The following EYA1 variants were observed in gnomAD, a reference collection of about 807,000 sequenced individuals.
The protein encoded by EYA1 is protein phosphatase EYA1.
EYA1 carries 16 observed loss-of-function variants against 82.0 expected under a neutral mutation model. The observed-to-expected ratio is 0.20, with a 90% CI of 0.13 to 0.30. The LOEUF is 0.30. Among genes scored for constraint, EYA1 ranks in the 10% least tolerant of loss-of-function variants. The pLI is 1.00. For synonymous variants in EYA1, 261 were observed against 264.4 expected, an observed-to-expected ratio of 0.99 and a Z score of 0.12; for missense variants, 633 against 730.7, an observed-to-expected ratio of 0.87 and a Z score of 1.54.
At position 71,315,755 on chromosome 8, in the gene EYA1, T is replaced by C. The variant is rs1022154811; in HGVS notation, c.556+1797A>G. 1.3e-5 allele frequency among the ~76,000 whole-genome samples: 2 copies of C among 152,232 alleles called. 1 individual carries two copies. The highest frequency in any genetic ancestry group is 2.9e-5 in the Non-Finnish European group (2 of 68,042). On this transcript the variant is annotated intron_variant, in intron 7 of 17. Transcript: ENST00000340726. ...TTGATATTCAGCATGTGCAGAACAG[T>C]TCTTTTCCAAGGCTGCATAAAAGTT...
chr8:71,477,042 GAACCCTAC>G lies in EYA1; in HGVS notation c.33+58694_33+58701del, dbSNP rs78097610. 5.2e-3 allele frequency among the ~76,000 whole-genome samples: 796 copies of G among 151,934 alleles called. 3 individuals carry two copies. Among genetic ancestry groups the G allele is most frequent in the Middle Eastern group, 0.01 (3 of 294 alleles). On this transcript the variant is annotated intron_variant, in intron 2 of 18. Transcript: ENST00000643681. ...ATCCTCATGCAAAAGAATAAATCTAGAACCCTACAACACATCAAGACCTAAGATTAACT... is the reference window on the plus strand; with the variant it reads ...ATCCTCATGCAAAAGAATAAATCTAGAACACATCAAGACCTAAGATTAACT...
chr8:71,242,290 AC>A (rs1343170034), intron 12 of EYA1, among the ~76,000 whole-genome samples: 3 of 152,198 alleles, frequency 2.0e-5, no homozygotes, highest in African/African-American at 7.2e-5. Flanking sequence ...GGGCAAGTAA[AC>A]AATTTCCAAA....
intron 2 of EYA1, among the ~76,000 whole-genome samples, chr8:71,418,822 G>T (rs1830994061): frequency 6.6e-6 from 1 of 152,106 alleles, no homozygotes; most frequent in East Asian, 1.9e-4. Context: ...TGGGAGGGAG[G>T]GAGGTGCTCT....
At chr8:71,358,822 T>C (rs977913695) in intron 1 of EYA1, among the ~76,000 whole-genome samples, 9 of 152,124 alleles carry the variant, frequency 5.9e-5, no homozygotes, top group Non-Finnish European at 1.5e-5. Flanking sequence ...AAAACCATAA[T>C]GTGTTTTGAA....
At chr8:71,436,304 A>T (rs969435417) in intron 2 of EYA1, among the ~76,000 whole-genome samples, 5 of 152,142 alleles carry the variant, frequency 3.3e-5, no homozygotes, top group South Asian at 2.1e-4. Context: ...CTAAAAAAGA[A>T]TTGTTTCAAA....
intron 2 of EYA1, among the ~76,000 whole-genome samples, chr8:71,461,990 G>T (rs1808396459): frequency 6.6e-6 from 1 of 152,094 alleles, no homozygotes; most frequent in Admixed American, 6.5e-5. Flanking sequence ...CAGAGGGGAG[G>T]AAGTGCATGC....
intron 2 of EYA1, among the ~76,000 whole-genome samples, chr8:71,512,045 T>G (rs905438113): frequency 3.9e-5 from 6 of 152,168 alleles, no homozygotes; most frequent in Non-Finnish European, 5.9e-5. Flanking sequence ...ATGCATTATG[T>G]CATGATCAAA....
chr8:71,339,573 C>CTATTTCCCTTCCACACCAAA, intron 3 of EYA1, among the ~76,000 whole-genome samples: 1 of 152,106 alleles, frequency 6.6e-6, no homozygotes, highest in Admixed American at 6.6e-5. Context: ...TCCACACCAA[C>CTATTTCCCTTCCACACCAAA]TATTTCCCTT....
chr8:71,540,669 G>A (rs1815069462), intron 1 of EYA1, among the ~76,000 whole-genome samples: 1 of 152,108 alleles, frequency 6.6e-6, no homozygotes, highest in Non-Finnish European at 1.5e-5. Context: ...TGAAAAATGG[G>A]TTATATTTTG....
chr8:71,375,648 G>C (rs760472412), intron 2 of EYA1, among the ~76,000 whole-genome samples: 54 of 152,070 alleles, frequency 3.6e-4, no homozygotes, highest in Admixed American at 5.2e-4. Flanking sequence ...TTCTTTTTGA[G>C]ACAGAGTTTT....
chr8:71,339,672 C>T (rs1376555046), intron 3 of EYA1, among the ~76,000 whole-genome samples: 4 of 152,146 alleles, frequency 2.6e-5, no homozygotes, highest in African/African-American at 9.7e-5. Context: ...GGATTAATTT[C>T]AATGAAAGTT....
chr8:71,483,044 A>T (rs965778772), intron 2 of EYA1, among the ~76,000 whole-genome samples: 8 of 152,210 alleles, frequency 5.3e-5, no homozygotes, highest in Non-Finnish European at 1.0e-4. Flanking sequence ...CCAGATCATG[A>T]CAGACCCCTG....
chr8:71,524,499 C>A (rs1330279099), intron 2 of EYA1, among the ~76,000 whole-genome samples: 1 of 152,076 alleles, frequency 6.6e-6, no homozygotes, highest in Non-Finnish European at 1.5e-5. Context: ...ATATGCAAAG[C>A]ATAAAATTTT....
intron 2 of EYA1, among the ~76,000 whole-genome samples, chr8:71,463,481 T>C (rs919355591): frequency 1.2e-4 from 18 of 152,226 alleles, no homozygotes; most frequent in Admixed American, 1.2e-3. Context: ...GATGAGAAGA[T>C]CTCTAAGGTT....
chr8:71,463,824 A>G (rs948539559), intron 2 of EYA1, among the ~76,000 whole-genome samples: 2 of 152,066 alleles, frequency 1.3e-5, no homozygotes, highest in African/African-American at 4.8e-5. Context: ...CCTGAAGACA[A>G]CACAGTCTTT....
chr8:71,204,966 C>T (rs908588700), intron 17 of EYA1, among the ~76,000 whole-genome samples: 12 of 152,246 alleles, frequency 7.9e-5, no homozygotes, highest in Admixed American at 3.3e-4. Context: ...ACAAAAATAA[C>T]ATTCACTGTA....
chr8:71,468,884 A>C (rs1256052439), intron 2 of EYA1, among the ~76,000 whole-genome samples: 1 of 152,134 alleles, frequency 6.6e-6, no homozygotes, highest in Non-Finnish European at 1.5e-5. Context: ...CACTTGAATA[A>C]ATTTTAAACC....
intron 2 of EYA1, among the ~76,000 whole-genome samples, chr8:71,500,153 G>A (rs6983547): frequency 0.68 from 103,152 of 152,098 alleles, 37,044 homozygotes; most frequent in East Asian, 0.92. Context: ...CTAGGGAGAG[G>A]TCTGAACAGA....
chr8:71,288,651 T>C (rs535424806), intron 9 of EYA1, among the ~76,000 whole-genome samples: 1 of 152,338 alleles, frequency 6.6e-6, no homozygotes, highest in East Asian at 1.9e-4. Context: ...ATATGCTACG[T>C]TCTAAATATG....
Sources: gnomAD v4.1 joint callset for allele counts (sites outside exome capture counted in the v4.1 genomes callset) on GRCh38, gnomAD v4.1.1 for gene constraint, MANE v1.5 for transcripts, NCBI Gene and HGNC (gene_info 2026-07-23, HGNC 2026-07-21) for gene names.